The following TENM4 variants were observed in gnomAD, a reference collection of about 807,000 sequenced individuals.
TENM4 encodes teneurin transmembrane protein 4, also known as teneurin-4.
In TENM4, 82 loss-of-function variants were observed where a neutral mutation model predicts 243.3. The observed-to-expected ratio is 0.34, with a 90% CI of 0.28 to 0.40. The LOEUF (loss-of-function observed/expected upper bound fraction) is 0.40. Ranked by LOEUF, TENM4 falls within the 10% of genes least tolerant of loss-of-function variation. The pLI, the probability that TENM4 is intolerant of heterozygous loss-of-function variation, is 1.00. For synonymous variants in TENM4, 1,412 were observed against 1,456.3 expected (o/e 0.97, Z 0.69); for missense variants, 3,138 against 3,673.3 (o/e 0.85, Z 3.77).
intron 6 of TENM4, among the ~76,000 whole-genome samples, chr11:79,046,200 C>A (rs1305074389): frequency 2.0e-5 from 3 of 152,198 alleles, no homozygotes; most frequent in Non-Finnish European, 4.4e-5. Flanking sequence ...CCAGCCTGGT[C>A]AGCTGTGAGA....
At chr11:78,818,797 G>A (rs1164502535) in intron 12 of TENM4, among the ~76,000 whole-genome samples, 2 of 152,068 alleles carry the variant, frequency 1.3e-5, no homozygotes, top group Non-Finnish European at 2.9e-5. Context: ...TGTTCACACT[G>A]CAGCTGCCTT....
intron 6 of TENM4, among the ~76,000 whole-genome samples, chr11:79,040,693 A>G (rs1317519051): frequency 6.6e-6 from 1 of 152,124 alleles, no homozygotes; most frequent in African/African-American, 2.4e-5. Context: ...CTGCTGCCCC[A>G]CTTGCCAAGC....
chr11:78,933,154 T>A (rs1265866531), intron 6 of TENM4, among the ~76,000 whole-genome samples: 2 of 152,162 alleles, frequency 1.3e-5, no homozygotes, highest in African/African-American at 2.4e-5. Flanking sequence ...GCTTCCTGGC[T>A]GCATCTGAGG....
intron 6 of TENM4, among the ~76,000 whole-genome samples, chr11:78,969,105 C>A (rs1857492265): frequency 6.6e-6 from 1 of 152,232 alleles, no homozygotes; most frequent in African/African-American, 2.4e-5. Context: ...AGTCTGCTTG[C>A]TCACTGTAAA....
chr11:78,735,851 C>CCTCCTCTCCT lies in TENM4; in HGVS notation c.2876+2590_2876+2599dup, dbSNP rs149808664. Among the ~76,000 whole-genome samples the CCTCCTCTCCT allele has an allele frequency of 7.3e-5, 11 of 151,018 alleles. No individual in the cohort carries two copies. In the South Asian group the frequency reaches 8.6e-4, roughly 12 times the overall value. Reference sequence around the variant, plus strand: ...GTCTTGGCTCCCACCCCTCCCCTCCCCTCCTCTCCTCTCCTTTCTTTTCTT... The same window carrying CCTCCTCTCCT: ...GTCTTGGCTCCCACCCCTCCCCTCCCCTCCTCTCCTCTCCTCTCCTCTCCTTTCTTTTCTT... On this transcript the variant is annotated intron_variant, in intron 20 of 33. Coordinates refer to ENST00000278550, the MANE Select transcript of TENM4 (RefSeq NM_001098816.3).
chr11:78,941,576 G>A (rs565155308), intron 6 of TENM4, among the ~76,000 whole-genome samples: 11 of 152,234 alleles, frequency 7.2e-5, no homozygotes, highest in African/African-American at 2.4e-4. Context: ...AGGAAGGCAA[G>A]CCCTGGCACG....
intron 29 of TENM4, among the ~76,000 whole-genome samples, 192 bp downstream of exon 29, chr11:78,687,862 T>C (rs570330218): frequency 5.3e-4 from 80 of 152,324 alleles, no homozygotes; most frequent in African/African-American, 1.9e-3. Context: ...AAAATATTAT[T>C]CTTAAGCTTC....
At chr11:79,125,699 C>T (rs899030669) in intron 4 of TENM4, among the ~76,000 whole-genome samples, 4 of 152,154 alleles carry the variant, frequency 2.6e-5, no homozygotes, top group African/African-American at 9.7e-5. Flanking sequence ...GCCCCATCAG[C>T]CTTTCCATCT....
At chr11:78,932,630 T>C (rs1045138692) in intron 6 of TENM4, among the ~76,000 whole-genome samples, 24 of 152,218 alleles carry the variant, frequency 1.6e-4, no homozygotes, top group African/African-American at 5.5e-4. Context: ...AGACTTACTT[T>C]ACTGCAGTGG....
At chr11:79,143,315 G>T (rs1441074732) in intron 4 of TENM4, among the ~76,000 whole-genome samples, 1 of 152,048 alleles carries the variant, frequency 6.6e-6, no homozygotes, top group Non-Finnish European at 1.5e-5. Context: ...AGAAAATGTG[G>T]CACATATACA....
chr11:79,191,984 G>T (rs1469947866), intron 3 of TENM4, among the ~76,000 whole-genome samples: 5 of 151,818 alleles, frequency 3.3e-5, no homozygotes, highest in Admixed American at 6.6e-5. Flanking sequence ...GCCCCGTCGG[G>T]GAGGTGAGGG....
intron 2 of TENM4, among the ~76,000 whole-genome samples, chr11:79,232,746 A>G (rs545702212): frequency 4.1e-4 from 63 of 152,330 alleles, no homozygotes; most frequent in Non-Finnish European, 8.2e-4. Context: ...TGTCTGGGAG[A>G]ATAAAATTGC....
intron 28 of TENM4, among the ~76,000 whole-genome samples, chr11:78,693,733 G>A (rs1325697172): frequency 6.6e-6 from 1 of 152,140 alleles, no homozygotes; most frequent in African/African-American, 2.4e-5. Context: ...ATTCATATAG[G>A]CCAGGCGCAG....
At chr11:79,201,999 G>A (rs1863747907) in intron 3 of TENM4, among the ~76,000 whole-genome samples, 1 of 152,182 alleles carries the variant, frequency 6.6e-6, no homozygotes, top group African/African-American at 2.4e-5. Flanking sequence ...GACTGGTCAG[G>A]TGTGTGAGAC....
chr11:79,191,769 C>CCCGG (rs1863503699), intron 3 of TENM4: 1 of 191,786 alleles, frequency 5.2e-6, no homozygotes, highest in South Asian at 8.6e-5. Flanking sequence ...AGCGCCTCGT[C>CCCGG]CCGGCCGCGA....
Position 78,657,723 on chromosome 11 carries a change from G to A in TENM4, c.*335C>T. 2 of 435,858 alleles carry A rather than the reference G, an allele frequency of 4.6e-6. No individual in the cohort carries two copies. Among genetic ancestry groups the A allele is most frequent in the South Asian group, 4.2e-5 (2 of 47,082 alleles). 27.0% of individuals were successfully genotyped at this position (435,858 alleles called of 1,614,324 possible). On this transcript the variant is annotated 3_prime_UTR_variant, in exon 34 of 34. Coordinates refer to ENST00000278550, the MANE Select transcript of TENM4 (RefSeq NM_001098816.3). Reference sequence around the variant, plus strand: ...TCACACTGGGTACCTAGGGACAGACGAGGACACACCCCAGGAGATGCATCT... The same window carrying A: ...TCACACTGGGTACCTAGGGACAGACAAGGACACACCCCAGGAGATGCATCT...
At chr11:79,415,265 G>C (rs1287782647) in intron 1 of TENM4, among the ~76,000 whole-genome samples, 2 of 152,174 alleles carry the variant, frequency 1.3e-5, no homozygotes. Flanking sequence ...AGAACAAACT[G>C]TTTCAGAGCA....
At chr11:79,263,573 T>A (rs1038928676) in intron 2 of TENM4, among the ~76,000 whole-genome samples, 6 of 152,212 alleles carry the variant, frequency 3.9e-5, no homozygotes, top group African/African-American at 7.2e-5. Context: ...CAATAAATGC[T>A]CAGTAAAATG....
intron 4 of TENM4, among the ~76,000 whole-genome samples, chr11:79,115,668 G>T (rs1434192547): frequency 2.6e-5 from 4 of 152,156 alleles, no homozygotes; most frequent in African/African-American, 9.7e-5. Context: ...AATGTTCCAT[G>T]CTGGCCTCAG....
Sources: gnomAD v4.1 joint callset for allele counts (sites outside exome capture counted in the v4.1 genomes callset) on GRCh38, gnomAD v4.1.1 for gene constraint, MANE v1.5 for transcripts, NCBI Gene and HGNC (gene_info 2026-07-23, HGNC 2026-07-21) for gene names.